Variants in ATRNL1 observed in about 807,000 individuals in gnomAD.
The protein encoded by ATRNL1 is attractin like 1.
A neutral mutation model predicts 182.7 loss-of-function variants in ATRNL1; 95 were observed. That is an observed-to-expected ratio of 0.52 (90% confidence interval 0.44 to 0.62). The LOEUF is 0.62. ATRNL1 is among the 20% of genes least tolerant of loss of function. ATRNL1 has a pLI of 0.00. For missense variants in ATRNL1, 1,471 were observed against 1,679.5 expected (o/e 0.88, Z 2.17); for synonymous variants, 576 against 568.3 (o/e 1.01, Z -0.19).
intron 28 of ATRNL1, among the ~76,000 whole-genome samples, chr10:115,899,574 C>T (rs982277733): frequency 2.0e-5 from 3 of 152,104 alleles, no homozygotes; most frequent in African/African-American, 7.2e-5. Flanking sequence ...TCCCAAAGTG[C>T]CGGGATTACA....
chr10:115,788,210 A>T (rs969633823), intron 27 of ATRNL1, among the ~76,000 whole-genome samples: 4 of 152,214 alleles, frequency 2.6e-5, no homozygotes, highest in Admixed American at 2.6e-4. Flanking sequence ...GGTTTCGAGT[A>T]ACATTCCTCC....
At chr10:115,278,065 A>G (rs555618807) in intron 13 of ATRNL1, among the ~76,000 whole-genome samples, 1 of 152,228 alleles carries the variant, frequency 6.6e-6, no homozygotes, top group Admixed American at 6.5e-5. Flanking sequence ...ACCTTTTACT[A>G]CTTTTCATTT....
intron 26 of ATRNL1, among the ~76,000 whole-genome samples, chr10:115,580,040 C>T (rs536274051): frequency 1.1e-4 from 17 of 152,174 alleles, no homozygotes; most frequent in African/African-American, 3.8e-4. Flanking sequence ...TCACAATTTA[C>T]AACTTCTTAT....
intron 26 of ATRNL1, among the ~76,000 whole-genome samples, chr10:115,575,226 G>C (rs782105690): frequency 5.9e-5 from 9 of 152,078 alleles, no homozygotes; most frequent in Non-Finnish European, 8.8e-5. Flanking sequence ...AATATGTGTT[G>C]TTAATGGACC....
intron 28 of ATRNL1, among the ~76,000 whole-genome samples, chr10:115,914,152 A>G (rs1215539924): frequency 6.6e-6 from 1 of 152,146 alleles, no homozygotes; most frequent in African/African-American, 2.4e-5. Flanking sequence ...CCATGTGAAG[A>G]AGAACGTGTT....
chr10:115,936,429 C>A (rs61865213), intron 28 of ATRNL1, among the ~76,000 whole-genome samples: 18 of 152,144 alleles, frequency 1.2e-4, no homozygotes, highest in African/African-American at 4.1e-4. Context: ...ATATAGTAGG[C>A]GCTCAAGAAA....
chr10:115,398,006 G>T (rs1844370878), intron 20 of ATRNL1, among the ~76,000 whole-genome samples: 1 of 151,962 alleles, frequency 6.6e-6, no homozygotes, highest in Non-Finnish European at 1.5e-5. Context: ...AGCTAGGGTA[G>T]TTGATATTTG....
At position 115,874,707 on chromosome 10, in the gene ATRNL1, C is replaced by A. The variant is rs75110799; in HGVS notation, c.4018+26716C>A. 4.2e-3 allele frequency among the ~76,000 whole-genome samples: 637 copies of A among 152,216 alleles called. 1 individual carries two copies. Among genetic ancestry groups the A allele is most frequent in the Non-Finnish European group, 7.3e-3 (495 of 68,002 alleles). On this transcript the variant is annotated intron_variant, in intron 28 of 28. Coordinates refer to ENST00000355044, the MANE Select transcript of ATRNL1 (RefSeq NM_207303.4). ...CCTGAGATTTCCAAGTGATAGAAAC[C>A]TGGACAGGCAGCAGAGGTGGAGAAG... is the stretch of plus-strand genomic sequence containing the variant.
chr10:115,171,012 T>C (rs917331607), intron 7 of ATRNL1, 25 bp from the exon 8 acceptor site: 3 of 1,332,718 alleles, frequency 2.3e-6, no homozygotes, highest in Non-Finnish European at 3.0e-6. Flanking sequence ...ATTTTATCTA[T>C]TAATATATGT....
intron 26 of ATRNL1, among the ~76,000 whole-genome samples, chr10:115,606,929 GCTCT>G (rs1207252719): frequency 4.6e-5 from 7 of 151,922 alleles, no homozygotes; most frequent in African/African-American, 1.7e-4. Context: ...TTAGAGATAC[GCTCT>G]CTAACTGTCA....
Position 115,902,075 on chromosome 10 carries a change from A to T in ATRNL1, c.4019-42583A>T, listed in dbSNP as rs573307379. 4.3e-4 allele frequency among the ~76,000 whole-genome samples: 65 copies of T among 152,310 alleles called. 3 individuals are homozygous for T. The South Asian group carries it at 0.012, about 27-fold the overall frequency. On this transcript the variant is annotated intron_variant, in intron 28 of 28. Coordinates refer to ENST00000355044, the MANE Select transcript of ATRNL1 (RefSeq NM_207303.4). ...TTAGCTCGTTATAATCAAGTTGTAC[A>T]GCCTTTGTTTTAATAAGATTCTAAT...
chr10:115,120,705 ACAAT>A (rs1163080475), intron 2 of ATRNL1, among the ~76,000 whole-genome samples: 19 of 152,234 alleles, frequency 1.2e-4, no homozygotes, highest in East Asian at 9.7e-4. Context: ...AGGGCTTGAA[ACAAT>A]CTATCTATTT....
At chr10:115,865,513 T>G (rs1589621929) in intron 28 of ATRNL1, among the ~76,000 whole-genome samples, 1 of 152,332 alleles carries the variant, frequency 6.6e-6, no homozygotes. Context: ...AAAAGCTTAC[T>G]TAACCTACAA....
chr10:115,647,942 G>A (rs1395667409), intron 26 of ATRNL1, among the ~76,000 whole-genome samples: 2 of 152,120 alleles, frequency 1.3e-5, no homozygotes, highest in African/African-American at 2.4e-5. Flanking sequence ...TAACATTTAA[G>A]TCTTTAATCC....
At chr10:115,106,237 G>A (rs1166781310) in intron 1 of ATRNL1, among the ~76,000 whole-genome samples, 2 of 152,136 alleles carry the variant, frequency 1.3e-5, no homozygotes, top group African/African-American at 4.8e-5. Context: ...ACTTGCATAG[G>A]CCCTGTAACC....
At chr10:115,327,792 G>A (rs1854988498) in intron 18 of ATRNL1, among the ~76,000 whole-genome samples, 1 of 151,930 alleles carries the variant, frequency 6.6e-6, no homozygotes, top group East Asian at 1.9e-4. Context: ...GTAGGGATAT[G>A]GATGAAATTG....
chr10:115,721,283 T>A (rs1947415288), intron 26 of ATRNL1, among the ~76,000 whole-genome samples: 1 of 152,218 alleles, frequency 6.6e-6, no homozygotes, highest in Non-Finnish European at 1.5e-5. Context: ...TGGTTTAATT[T>A]TACTTTGAGT....
intron 24 of ATRNL1, among the ~76,000 whole-genome samples, chr10:115,491,800 A>C (rs1849311959): frequency 6.6e-6 from 1 of 152,126 alleles, no homozygotes; most frequent in Non-Finnish European, 1.5e-5. Flanking sequence ...GATATGAAAA[A>C]GAACTCTTGC....
chr10:115,106,716 C>G (rs577040702), intron 1 of ATRNL1, among the ~76,000 whole-genome samples: 186 of 152,232 alleles, frequency 1.2e-3, no homozygotes, highest in African/African-American at 4.2e-3. Context: ...CTTGCCACTG[C>G]CATGTAAGAA....
Sources: allele counts gnomAD v4.1 joint callset (sites outside exome capture counted in the v4.1 genomes callset), GRCh38; gene constraint gnomAD v4.1.1; transcripts MANE v1.5; gene names NCBI Gene and HGNC (gene_info 2026-07-23, HGNC 2026-07-21).